Variants in MAGEB10 observed in about 807,000 individuals in gnomAD.
MAGEB10 encodes the protein MAGE family member B10.
For missense variants in MAGEB10, 190 were observed against 261.9 expected, an observed-to-expected ratio of 0.73 and a Z score of 1.89; for synonymous variants, 99 against 101.0, an observed-to-expected ratio of 0.98 and a Z score of 0.12.
At chrX:27,809,036 T>C (rs4829085) in intron 1 of MAGEB10, among the ~76,000 whole-genome samples, 13,006 of 112,284 alleles carry the variant, frequency 0.12, 1,164 homozygotes, top group African/African-American at 0.32. Flanking sequence ...CCCACTTTGG[T>C]GGCACTTGAG....
chrX:27,809,587 C>CT (rs1160574467), intron 1 of MAGEB10, among the ~76,000 whole-genome samples: 2 of 21,645 alleles, frequency 9.2e-5, no homozygotes, highest in African/African-American at 3.6e-4. Flanking sequence ...CCCACCCCCC[C>CT]TCCTGTCCTA....
At chrX:27,810,393 C>T (rs1018894915) in intron 1 of MAGEB10, among the ~76,000 whole-genome samples, 5 of 111,700 alleles carry the variant, frequency 4.5e-5, no homozygotes, top group African/African-American at 1.3e-4. Context: ...CACGAGGGTC[C>T]GCAGCTTTTG....
chrX:27,820,407 A>G (rs1923861578), intron 2 of MAGEB10, among the ~76,000 whole-genome samples: 1 of 111,249 alleles, frequency 9.0e-6, no homozygotes, highest in Non-Finnish European at 1.9e-5. Flanking sequence ...ACAGGGCCTG[A>G]TGAAGCACCC....
chrX:27,809,617 C>T (rs943854076), intron 1 of MAGEB10, among the ~76,000 whole-genome samples: 2 of 50,411 alleles, frequency 4.0e-5, no homozygotes, highest in African/African-American at 8.0e-5. Context: ...CCCTGACGAG[C>T]GCCGCCCCCC....
intron 2 of MAGEB10, among the ~76,000 whole-genome samples, 171 bp downstream of exon 2, chrX:27,817,873 C>G (rs1022449631): frequency 5.4e-5 from 6 of 111,586 alleles, no homozygotes; most frequent in African/African-American, 1.6e-4. Flanking sequence ...TAGTGAAGGA[C>G]ATCAGGAAAA....
rs369630982 is a variant in MAGEB10, at chrX:27,815,294, C to T, written c.-198-2260C>T. Among the ~76,000 whole-genome samples the T allele has an allele frequency of 4.4e-5, 5 of 112,512 alleles. No homozygotes were observed. The East Asian group carries it at 1.4e-3, about 32-fold the overall frequency. On this transcript the variant is annotated intron_variant, in intron 1 of 2. Coordinates refer to ENST00000356790, the MANE Select transcript of MAGEB10 (RefSeq NM_182506.3). The stretch of plus-strand genomic sequence containing the variant: ...GAGCTTTCCAACTCCCTGCAGATGT[C>T]CTCTGTTTTGTCACATCACTCACTT...
chrX:27,816,337 A>G (rs1207573078), intron 1 of MAGEB10, among the ~76,000 whole-genome samples: 1 of 112,209 alleles, frequency 8.9e-6, no homozygotes, highest in Non-Finnish European at 1.9e-5. Flanking sequence ...GCAATTATTC[A>G]GTCTACCACA....
intron 1 of MAGEB10, among the ~76,000 whole-genome samples, chrX:27,814,716 G>A: frequency 9.0e-6 from 1 of 111,646 alleles, no homozygotes; most frequent in Non-Finnish European, 1.9e-5. Context: ...GGCTTATCAA[G>A]GTCACTTCAC....
chrX:27,819,987 CA>C (rs930928502), intron 2 of MAGEB10, among the ~76,000 whole-genome samples: 5 of 107,972 alleles, frequency 4.6e-5, no homozygotes, highest in African/African-American at 1.7e-4. Context: ...CAACCTTGGG[CA>C]AAAAAAAACC....
chrX:27,811,955 C>T (rs942812545), intron 1 of MAGEB10: 8 of 134,122 alleles, frequency 6.0e-5, no homozygotes, highest in East Asian at 2.3e-4. Flanking sequence ...AGCCCAAGGA[C>T]GTGGAAGGTG....
In MAGEB10 at chrX:27,822,442, T is replaced by G; in HGVS notation, c.*92T>G. On this transcript the variant is annotated 3_prime_UTR_variant, in exon 3 of 3. Coordinates refer to ENST00000356790, the MANE Select transcript of MAGEB10 (RefSeq NM_182506.3). ...GTGGGACTGGAGACAACACAGTGAA[T>G]AATATGTTTGTGTTAATGTTCTATG... 1.2e-6 allele frequency: 1 copy of G among 860,593 alleles called. No individual in the cohort carries two copies. The highest frequency in any genetic ancestry group is 1.6e-6 in the Non-Finnish European group (1 of 623,540). 70.9% of individuals were successfully genotyped at this position (860,593 alleles called of 1,213,427 possible). A position where few individuals can be genotyped will look rare whatever the true frequency, so the allele number is the denominator to read the frequency against.
At chrX:27,820,479 C>A (rs1923863500) in intron 2 of MAGEB10, among the ~76,000 whole-genome samples, 1 of 110,499 alleles carries the variant, frequency 9.0e-6, no homozygotes, top group Non-Finnish European at 1.9e-5. Flanking sequence ...AGCCTCTGGT[C>A]AGCAGAGAAG....
At chrX:27,809,778 C>T (rs757266794) in intron 1 of MAGEB10, among the ~76,000 whole-genome samples, 1 of 99,658 alleles carries the variant, frequency 1.0e-5, no homozygotes, top group East Asian at 3.3e-4. Context: ...CTTGGAGAAC[C>T]TTTATGTCTA....
At chrX:27,811,194 A>G (rs77004668) in intron 1 of MAGEB10, among the ~76,000 whole-genome samples, 1 of 110,077 alleles carries the variant, frequency 9.1e-6, no homozygotes, top group Non-Finnish European at 1.9e-5. Flanking sequence ...GGGAAGATAC[A>G]TCTGAGGCCT....
intron 2 of MAGEB10, 32 bp from the exon 3 acceptor site, chrX:27,821,226 G>A: frequency 2.3e-6 from 2 of 863,589 alleles, no homozygotes; most frequent in Non-Finnish European, 3.3e-6. Flanking sequence ...TCTGCTGAAT[G>A]GGCACACCCC....
At chrX:27,814,509 G>A (rs1393449899) in intron 1 of MAGEB10, among the ~76,000 whole-genome samples, 2 of 111,873 alleles carry the variant, frequency 1.8e-5, no homozygotes, top group African/African-American at 6.5e-5. Flanking sequence ...ATTTTTGGTT[G>A]ATTTGTGTGC....
In MAGEB10 at chrX:27,822,035, G is replaced by A; in HGVS notation, c.729G>A (p.Glu243=). ...YDGIEHFMFG[E]PRKLLTKDLV... is the part of the protein sequence containing the mutation. ...GAATTGAGCACTTCATGTTTGGGGA[G>A]CCCAGGAAGCTCCTTACCAAAGATT... is the stretch of plus-strand genomic sequence containing the variant. The change falls in exon 3 of 3, where the codon GAG becomes GAA. Residue 243 remains glutamate, a synonymous_variant. Coordinates refer to ENST00000356790, the MANE Select transcript of MAGEB10 (RefSeq NM_182506.3). 2 of 1,211,865 alleles carry A rather than the reference G, an allele frequency of 1.7e-6. No homozygotes were observed. Among genetic ancestry groups the A allele is most frequent in the African/African-American group, 3.5e-5 (2 of 57,798 alleles).
chrX:27,808,880 T>G (rs1008250431), intron 1 of MAGEB10, among the ~76,000 whole-genome samples: 3 of 112,181 alleles, frequency 2.7e-5, no homozygotes, highest in African/African-American at 9.7e-5. Context: ...AGCTGGAATT[T>G]CCACCTTTAA....
chrX:27,821,826 A>T lies in MAGEB10; in HGVS notation c.520A>T (p.Asn174Tyr). ...TCTTGACCTGAAGGAAGTGGAGCCT[A>T]ATAAGCACATCTATGTCCTTGTCAA... is the stretch of plus-strand genomic sequence containing the variant. ...FGLDLKEVEP[N>Y]KHIYVLVNKL... Residue 174 changes from asparagine to tyrosine, a missense_variant, in exon 3 of 3, where the codon AAT becomes TAT. Coordinates refer to ENST00000356790, the MANE Select transcript of MAGEB10 (RefSeq NM_182506.3). 1 of 1,211,768 alleles carries T rather than the reference A, an allele frequency of 8.3e-7. No individual in the cohort carries two copies. The highest frequency in any genetic ancestry group is 1.1e-6 in the Non-Finnish European group (1 of 895,568).
Sources: allele counts gnomAD v4.1 joint callset (sites outside exome capture counted in the v4.1 genomes callset), GRCh38; gene constraint gnomAD v4.1.1; transcripts MANE v1.5; gene names NCBI Gene and HGNC (gene_info 2026-07-23, HGNC 2026-07-21).